The following ZNF608 variants were observed in gnomAD, a reference collection of about 807,000 sequenced individuals.
The protein encoded by ZNF608 is renal carcinoma antigen NY-REN-36.
In ZNF608, 12 loss-of-function variants were observed where a neutral mutation model predicts 109.0. The observed-to-expected ratio is 0.11, with a 90% CI of 0.07 to 0.18. The LOEUF (loss-of-function observed/expected upper bound fraction) is 0.18. Ranked by LOEUF, ZNF608 falls within the 10% of genes least tolerant of loss-of-function variation. The pLI is 1.00. For synonymous variants in ZNF608, 732 were observed against 717.4 expected (o/e 1.02, Z -0.33); for missense variants, 1,707 against 1,879.3 (o/e 0.91, Z 1.70).
At chr5:124,657,561 G>A (rs1325351283) in intron 3 of ZNF608, among the ~76,000 whole-genome samples, 2 of 152,096 alleles carry the variant, frequency 1.3e-5, no homozygotes, top group Non-Finnish European at 2.9e-5. Flanking sequence ...TGTAGTCCCA[G>A]CTACTCGGGA....
At position 124,641,896 on chromosome 5, in the gene ZNF608, C is replaced by T. The variant is rs571208063; in HGVS notation, c.4297-491G>A. Among the ~76,000 whole-genome samples the T allele has an allele frequency of 6.6e-5, 10 of 152,274 alleles. No homozygotes were observed. The South Asian group carries it at 2.1e-3, about 32-fold the overall frequency. ...TATGCCAATATAAAGCACAAGAAAT[C>T]ACTGTCCTACACCCACATTTTGAAT... On this transcript the variant is annotated intron_variant, in intron 7 of 9. Transcript: ENST00000513986.
intron 2 of ZNF608, among the ~76,000 whole-genome samples, chr5:124,704,113 T>C (rs1753164013): frequency 6.6e-6 from 1 of 152,158 alleles, no homozygotes; most frequent in Non-Finnish European, 1.5e-5. Context: ...GTTCAACATG[T>C]TTTAAAATGA....
intron 2 of ZNF608, among the ~76,000 whole-genome samples, chr5:124,743,380 A>C (rs1157241078): frequency 6.6e-6 from 1 of 152,168 alleles, no homozygotes; most frequent in Non-Finnish European, 1.5e-5. Context: ...ATCTCTAGCT[A>C]AGAACTGGGT....
chr5:124,703,978 C>T (rs957703718), intron 2 of ZNF608, among the ~76,000 whole-genome samples: 1 of 151,996 alleles, frequency 6.6e-6, no homozygotes, highest in Non-Finnish European at 1.5e-5. Context: ...AATCTGGATG[C>T]CTTGAGGGGA....
chr5:124,650,970 G>C (rs1341258036), intron 3 of ZNF608, among the ~76,000 whole-genome samples: 2 of 152,202 alleles, frequency 1.3e-5, no homozygotes, highest in Admixed American at 1.3e-4. Flanking sequence ...TGGGACTCAA[G>C]TAATGGAGAA....
intron 2 of ZNF608, 27 bp from the exon 3 acceptor site, chr5:124,701,296 T>A (rs755713068): frequency 2.5e-6 from 4 of 1,610,164 alleles, no homozygotes; most frequent in Non-Finnish European, 2.5e-6. Flanking sequence ...CTTACTGCAG[T>A]AGTGCTGCAT....
intron 3 of ZNF608, among the ~76,000 whole-genome samples, chr5:124,652,940 G>A (rs1561538982): frequency 1.3e-5 from 2 of 152,140 alleles, no homozygotes; most frequent in Non-Finnish European, 2.9e-5. Context: ...TTCTTTTCAC[G>A]CACATTTATT....
In ZNF608 at chr5:124,649,043, G is replaced by A. The variant is rs375711967; in HGVS notation, c.1341C>T (p.Ser447=). The change falls in exon 5 of 10, where the codon TCC becomes TCT. Residue 447 remains serine (S), a synonymous_variant. Coordinates refer to ENST00000513986, the MANE Select transcript of ZNF608 (RefSeq NM_020747.3). The part of the protein sequence containing the change: ...RARSAAAAPG[S]EASFTESRGL... ...CTCTGGACTCTGTGAAGCTGGCCTC[G>A]GAGCCCGGGGCAGCAGCAGCAGACC... The A allele has an allele frequency of 4.4e-5, 71 of 1,613,926 alleles. No homozygotes were observed. The highest frequency in any genetic ancestry group is 1.6e-4 in the Middle Eastern group (1 of 6,084).
rs769661657 is a variant in ZNF608 at position 124,744,500 on chromosome 5, TGCCGCTGCC to T, written c.481_489del (p.Gly161_Gly163del). 10 of 1,614,246 alleles carry T rather than the reference TGCCGCTGCC, an allele frequency of 6.2e-6. No individual in the cohort carries two copies. The highest frequency in any genetic ancestry group is 2.2e-5 in the East Asian group (1 of 44,880). ...GTGCTGGTACTATTGCTGTTTGGGT[TGCCGCTGCC>T]GCCGCTGCTCACACTTTGACCCAGC... is the stretch of plus-strand genomic sequence containing the variant. On this transcript the variant is annotated inframe_deletion, in exon 2 of 10. Coordinates refer to ENST00000513986, the MANE Select transcript of ZNF608 (RefSeq NM_020747.3). The surrounding 1 kb of genome is among the most constrained non-coding windows in gnomAD (Gnocchi z 4.5).
intron 2 of ZNF608, among the ~76,000 whole-genome samples, chr5:124,727,966 C>T (rs1334639116): frequency 6.6e-6 from 1 of 152,028 alleles, no homozygotes; most frequent in Non-Finnish European, 1.5e-5. Context: ...CTCGAACTCT[C>T]GACCTCAGGT....
In ZNF608 at chr5:124,644,348, T is replaced by C. The variant is rs758772012; in HGVS notation, c.4019A>G (p.Gln1340Arg). ...AGCATGCAAGTACTGTATGTATGAC[T>C]GATGCTGACTCATGGGTGAGGAGAC... ...VAVSSPMSQH[Q>R]SYIQYLHAYP... Residue 1340 changes from glutamine to arginine, a missense_variant, in exon 6 of 10, where the codon CAG becomes CGG. By Grantham distance (43) the Gln-to-Arg change is conservative. This residue lies in a region of ZNF608 where 1,073 missense variants were observed against 1,133.5 expected (regional missense o/e 0.95). Transcript: ENST00000513986. The C allele has an allele frequency of 1.4e-5, 22 of 1,614,090 alleles. No homozygotes were observed. Among genetic ancestry groups the C allele is most frequent in the Non-Finnish European group, 1.9e-5 (22 of 1,180,038 alleles).
In ZNF608 at chr5:124,648,332, G is replaced by C; in HGVS notation, c.2052C>G (p.Asp684Glu). ...AACTGCCGTCTGCTGCCGAGCAACT[G>C]TCTAACGCAGCCGTCATGTTGGAGA... The part of the protein sequence containing the change: ...PVISNMTAAL[D>E]SCSAADGSLA... Residue 684 changes from aspartate (D) to glutamate (E), a missense_variant, in exon 5 of 10, where the codon GAC (aspartate) becomes GAG (glutamate). Physicochemically the swap from Asp to Glu is conservative, Grantham distance 45. Transcript: ENST00000513986. 1 of 1,614,218 alleles carries C rather than the reference G, an allele frequency of 6.2e-7. No individual in the cohort carries two copies. Among genetic ancestry groups the C allele is most frequent in the Non-Finnish European group, 8.5e-7 (1 of 1,180,042 alleles).
intron 3 of ZNF608, among the ~76,000 whole-genome samples, chr5:124,651,959 G>C (rs1017036274): frequency 6.6e-6 from 1 of 152,262 alleles, no homozygotes; most frequent in Non-Finnish European, 1.5e-5. Flanking sequence ...GCCGTGCAGT[G>C]AAAGCTTCGG....
intron 3 of ZNF608, among the ~76,000 whole-genome samples, chr5:124,668,136 T>C (rs1411846685): frequency 2.7e-5 from 4 of 150,758 alleles, no homozygotes. Flanking sequence ...AGGATTCACT[T>C]GAGCTCAGGG....
chr5:124,678,145 T>A (rs1040401881), intron 3 of ZNF608, among the ~76,000 whole-genome samples: 2 of 152,014 alleles, frequency 1.3e-5, no homozygotes, highest in Non-Finnish European at 2.9e-5. Flanking sequence ...AATTAGAGAG[T>A]TCTTAGCTTA....
chr5:124,738,816 A>G (rs755267851), intron 2 of ZNF608, among the ~76,000 whole-genome samples: 83 of 152,126 alleles, frequency 5.5e-4, no homozygotes, highest in Non-Finnish European at 1.1e-3. Context: ...ACAAAGAAGG[A>G]TCTCAACTGA....
Position 124,645,583 on chromosome 5 carries a change from G to A in ZNF608, c.3706-922C>T, listed in dbSNP as rs1750460495. On this transcript the variant is annotated intron_variant, in intron 5 of 9. Coordinates refer to ENST00000513986, the MANE Select transcript of ZNF608 (RefSeq NM_020747.3). The stretch of plus-strand genomic sequence containing the variant: ...AAGCATGGGGGTGAGGGTGGGAGTG[G>A]GGATGTGCAGTGCTGGGAAATAACC... 2.0e-5 allele frequency among the ~76,000 whole-genome samples: 3 copies of A among 152,218 alleles called. No individual in the cohort carries two copies. In the South Asian group the frequency reaches 6.2e-4, roughly 32 times the overall value.
chr5:124,649,476 CA>C (rs1750687122), intron 4 of ZNF608, 133 bp downstream of exon 4: 1 of 632,128 alleles, frequency 1.6e-6, no homozygotes, highest in Non-Finnish European at 2.6e-6. Flanking sequence ...TTACTGCGTT[CA>C]ATCCTAAATT....
At chr5:124,708,097 T>C (rs530330938) in intron 2 of ZNF608, 1 of 152,332 alleles carries the variant, frequency 6.6e-6, no homozygotes, top group Admixed American at 6.5e-5. Context: ...GATGGGCCAC[T>C]TTATCTAAGG....
Sources: gnomAD v4.1 joint callset for allele counts (sites outside exome capture counted in the v4.1 genomes callset) on GRCh38, gnomAD v4.1.1 for gene constraint, gnomAD v4.1.1 regional missense constraint, Gnocchi (gnomAD v3.1) non-coding constraint, MANE v1.5 for transcripts, NCBI Gene and HGNC (gene_info 2026-07-23, HGNC 2026-07-21) for gene names.